The following SERPINE3 variants were observed in gnomAD, a reference collection of about 807,000 sequenced individuals.
The protein encoded by SERPINE3 is serpin family E member 3.
Under a neutral mutation model 41.7 loss-of-function variants are expected in SERPINE3, and 43 were observed. That is an observed-to-expected ratio of 1.03 (90% CI 0.81 to 1.33). The LOEUF (loss-of-function observed/expected upper bound fraction) is 1.33, where lower values mean the gene tolerates loss of function less well. Ranked by LOEUF, SERPINE3 falls within the 40% of genes most tolerant of loss-of-function variation. SERPINE3 has a pLI of 0.00. For synonymous variants in SERPINE3, 200 were observed against 192.2 expected, an observed-to-expected ratio of 1.04 and a Z score of -0.34; for missense variants, 440 against 491.7, an observed-to-expected ratio of 0.89 and a Z score of 0.99.
chr13:51,355,101 G>T lies in SERPINE3; in HGVS notation c.958G>T (p.Asp320Tyr), dbSNP rs574559050. 2 of 1,549,240 alleles carry T rather than the reference G, an allele frequency of 1.3e-6. No individual in the cohort carries two copies. The highest frequency in any genetic ancestry group is 8.7e-7 in the Non-Finnish European group (1 of 1,142,866). Residue 320 changes from aspartate (D) to tyrosine (Y), a missense_variant, in exon 7 of 10, where the codon GAT becomes TAT. Transcript: ENST00000681248. ...CATTTTAAATTCTTGGGGAGTCACC[G>T]ATCTTTTTGATCCACTCAAAGCTAA... is the stretch of plus-strand genomic sequence containing the variant. ...KSILNSWGVT[D>Y]LFDPLKANLK...
chr13:51,358,037 A>G (rs775209953), intron 7 of SERPINE3, among the ~76,000 whole-genome samples: 2 of 152,144 alleles, frequency 1.3e-5, no homozygotes, highest in Non-Finnish European at 2.9e-5. Flanking sequence ...TGCAATAGAA[A>G]GAGGTGCAGA....
chr13:51,353,428 C>T (rs1329197077), intron 6 of SERPINE3, among the ~76,000 whole-genome samples: 1 of 152,170 alleles, frequency 6.6e-6, no homozygotes. Context: ...CAATTATGGT[C>T]ATTTCACAAG....
intron 3 of SERPINE3, 81 bp downstream of exon 3, chr13:51,341,428 C>T: frequency 7.9e-7 from 1 of 1,269,740 alleles, no homozygotes; most frequent in Non-Finnish European, 1.1e-6. Flanking sequence ...CCTGCTCACA[C>T]TCACACTCAC....
chr13:51,348,153 C>G (rs1178515254), intron 5 of SERPINE3, 60 bp from the exon 6 acceptor site: 1 of 1,330,946 alleles, frequency 7.5e-7, no homozygotes, highest in African/African-American at 1.5e-5. Flanking sequence ...CAGGGTCCGA[C>G]ACTGGTTCAT....
At chr13:51,343,648 G>A (rs1480122378) in intron 3 of SERPINE3, among the ~76,000 whole-genome samples, 3 of 152,214 alleles carry the variant, frequency 2.0e-5, no homozygotes, top group African/African-American at 2.4e-5. Context: ...TTAGGGAAAC[G>A]GGGGATGGGA....
intron 3 of SERPINE3, among the ~76,000 whole-genome samples, chr13:51,342,392 G>A (rs772175947): frequency 1.3e-5 from 2 of 152,082 alleles, no homozygotes; most frequent in Non-Finnish European, 2.9e-5. Context: ...ATAAAATGGG[G>A]ATAATAATAG....
chr13:51,348,121 A>T, intron 5 of SERPINE3, 92 bp from the exon 6 acceptor site: 1 of 959,832 alleles, frequency 1.0e-6, no homozygotes, highest in Non-Finnish European at 1.6e-6. Flanking sequence ...TATTGTTTCC[A>T]GTCCTCTGAG....
chr13:51,342,582 A>G (rs1955304897), intron 3 of SERPINE3, among the ~76,000 whole-genome samples: 1 of 152,186 alleles, frequency 6.6e-6, no homozygotes. Flanking sequence ...GCTAGGGCAG[A>G]GAAAAGATTT....
intron 6 of SERPINE3, among the ~76,000 whole-genome samples, chr13:51,351,940 A>G (rs541321258): frequency 2.0e-5 from 3 of 152,164 alleles, no homozygotes; most frequent in East Asian, 1.9e-4. Context: ...GTCAAAATCA[A>G]TTGCCCATAA....
In SERPINE3 at chr13:51,348,340, C is replaced by T. The variant is rs1955371766; in HGVS notation, c.828C>T (p.His276=). ...KDTPLSHIEP[H]LTASTIHLWT... is the part of the protein sequence containing the mutation. ...CCCCCCTGAGCCACATCGAGCCACA[C>T]CTCACAGCCAGCACCATCCACCTCT... The change falls in exon 6 of 10, where the codon CAC becomes CAT. Residue 276 remains histidine, a synonymous_variant. Transcript: ENST00000681248. 3 of 1,613,956 alleles carry T rather than the reference C, an allele frequency of 1.9e-6. No individual in the cohort carries two copies. The highest frequency in any genetic ancestry group is 2.5e-6 in the Non-Finnish European group (3 of 1,179,876).
chr13:51,363,749 C>G (rs1490435990), intron 9 of SERPINE3: 1 of 151,750 alleles, frequency 6.6e-6, no homozygotes, highest in African/African-American at 2.4e-5. Flanking sequence ...AGGTTTCAAA[C>G]CCTCCTGACC....
intron 6 of SERPINE3, chr13:51,354,336 T>C (rs987703723): frequency 2.0e-5 from 3 of 152,200 alleles, no homozygotes; most frequent in Admixed American, 2.0e-4. Flanking sequence ...GATTTTCCCA[T>C]CTGTAAAATG....
chr13:51,361,060 A>AAGAC, intron 7 of SERPINE3, among the ~76,000 whole-genome samples: 1 of 152,054 alleles, frequency 6.6e-6, no homozygotes, highest in Non-Finnish European at 1.5e-5. Context: ...TATATAACAA[A>AAGAC]TTAAAGTTTG....
At chr13:51,357,742 C>A (rs1260024976) in intron 7 of SERPINE3, among the ~76,000 whole-genome samples, 1 of 151,988 alleles carries the variant, frequency 6.6e-6, no homozygotes, top group African/African-American at 2.4e-5. Context: ...ACTGAAGATG[C>A]CAGCTAAAGA....
In SERPINE3 at chr13:51,341,328, C is replaced by T. The variant is rs772478852; in HGVS notation, c.237C>T (p.Ala79=). ...GCACTGGTCAGCAGCTGGCAGATGC[C>T]CTGGGGTACACTGTCCATGGTAAGA... ...EGSTGQQLAD[A]LGYTVHDKRV... is the part of the protein sequence containing the mutation. Residue 79 remains alanine, a synonymous_variant, in exon 3 of 10, where the codon GCC becomes GCT. Coordinates refer to ENST00000681248, the MANE Select transcript of SERPINE3 (RefSeq NM_001386375.1). 1.2e-5 allele frequency: 20 copies of T among 1,604,030 alleles called. 1 individual carries two copies. In the South Asian group the frequency reaches 1.4e-4, roughly 12 times the overall value.
rs754099516 is a variant in SERPINE3, at chr13:51,361,832, T to G, written c.1110T>G (p.Ser370=). The G allele has an allele frequency of 6.2e-7, 1 of 1,610,484 alleles. No individual in the cohort carries two copies. Among genetic ancestry groups the G allele is most frequent in the Non-Finnish European group, 8.5e-7 (1 of 1,178,318 alleles). ...CAGCTCTGTTGTTATTGAAAAGGTC[T>G]CGGATTCCTATTTTTAAAGCAGATC... ...GATALLLLKR[S]RIPIFKADRP... The change falls in exon 9 of 10, where the codon TCT becomes TCG. Residue 370 remains serine (S), a synonymous_variant. Coordinates refer to ENST00000681248, the MANE Select transcript of SERPINE3 (RefSeq NM_001386375.1).
chr13:51,357,351 G>A (rs535043330), intron 7 of SERPINE3, among the ~76,000 whole-genome samples: 3 of 152,214 alleles, frequency 2.0e-5, no homozygotes, highest in Middle Eastern at 3.4e-3. Flanking sequence ...CTTAATTGTA[G>A]AAACAAAATC....
At chr13:51,341,848 G>A (rs1955294731) in intron 3 of SERPINE3, among the ~76,000 whole-genome samples, 1 of 152,186 alleles carries the variant, frequency 6.6e-6, no homozygotes, top group Non-Finnish European at 1.5e-5. Flanking sequence ...CAAGTTCACA[G>A]AGCCAATAAG....
chr13:51,347,798 G>A (rs571875453), intron 5 of SERPINE3, among the ~76,000 whole-genome samples: 24 of 152,192 alleles, frequency 1.6e-4, no homozygotes, highest in South Asian at 8.3e-4. Flanking sequence ...CAGTATGCCC[G>A]TTGGTCACTT....
Sources: gnomAD v4.1 joint callset for allele counts (sites outside exome capture counted in the v4.1 genomes callset) on GRCh38, gnomAD v4.1.1 for gene constraint, MANE v1.5 for transcripts, NCBI Gene and HGNC (gene_info 2026-07-23, HGNC 2026-07-21) for gene names.